PYROXD2: variants seen among roughly 807,000 people sequenced by gnomAD.
The protein encoded by PYROXD2 is pyridine nucleotide-disulfide oxidoreductase domain-containing protein 2.
PYROXD2 carries 69 observed loss-of-function variants against 71.1 expected under a neutral mutation model. The ratio of observed to expected loss-of-function variants is 0.97; its 90% confidence interval spans 0.80 to 1.19. PYROXD2 has a LOEUF of 1.19. Among genes scored for constraint, PYROXD2 ranks in the 50% most tolerant of loss-of-function variants. The probability of loss-of-function intolerance (pLI) is 0.00; values close to 1 mark genes in which losing one functional copy is unlikely to be tolerated. For synonymous variants in PYROXD2, 287 were observed against 302.7 expected (o/e 0.95, Z 0.54); for missense variants, 745 against 748.9 (o/e 0.99, Z 0.06).
At chr10:98,383,980 G>T in intron 15 of PYROXD2, 112 bp from the exon 16 acceptor site, 1 of 908,086 alleles carries the variant, frequency 1.1e-6, no homozygotes, top group Non-Finnish European at 1.8e-6. Context: ...CTGGTTAGAG[G>T]GGTCCGGGGG....
chr10:98,387,360 C>T, intron 13 of PYROXD2, 53 bp from the exon 14 acceptor site: 1 of 1,339,344 alleles, frequency 7.5e-7, no homozygotes, highest in South Asian at 1.2e-5. Flanking sequence ...AGAGGAGGCA[C>T]TATGGGTGTA....
At chr10:98,403,613 T>C (rs1843497478) in intron 4 of PYROXD2, among the ~76,000 whole-genome samples, 1 of 152,166 alleles carries the variant, frequency 6.6e-6, no homozygotes, top group Non-Finnish European at 1.5e-5. Flanking sequence ...TCTTCTTCCC[T>C]CTGACTGGAG....
chr10:98,385,054 C>T lies in PYROXD2; in HGVS notation c.1568G>A (p.Cys523Tyr), dbSNP rs1322968249. 16 of 1,613,882 alleles carry T rather than the reference C, an allele frequency of 9.9e-6. No individual in the cohort carries two copies. The highest frequency in any genetic ancestry group is 1.4e-5 in the Non-Finnish European group (16 of 1,179,916). Residue 523 changes from cysteine to tyrosine, a missense_variant, in exon 15 of 16, where the codon TGC becomes TAC. Transcript: ENST00000370575. ...FGLPGGNIFHCAMSLDQLYFA... is the reference protein window; with the variant it reads ...FGLPGGNIFHYAMSLDQLYFA... The stretch of plus-strand genomic sequence containing the variant: ...GTAGAGCTGGTCCAGGGACATGGCG[C>T]AGTGGAATATGTTCTGCAGAGGCAG...
At chr10:98,385,261 C>A (rs1474781854) in intron 14 of PYROXD2, among the ~76,000 whole-genome samples, 194 bp from the exon 15 acceptor site, 3 of 152,182 alleles carry the variant, frequency 2.0e-5, no homozygotes, top group African/African-American at 4.8e-5. Flanking sequence ...GTGAAGTTTT[C>A]CAGAGGCTTT....
chr10:98,394,147 C>T (rs10786417), intron 8 of PYROXD2, among the ~76,000 whole-genome samples: 51,736 of 152,056 alleles, frequency 0.34, 9,054 homozygotes, highest in South Asian at 0.44. Flanking sequence ...ACATCTGCTC[C>T]GCTCACTACC....
chr10:98,403,742 C>T (rs1180865837), intron 4 of PYROXD2, among the ~76,000 whole-genome samples: 3 of 152,198 alleles, frequency 2.0e-5, no homozygotes, highest in African/African-American at 7.2e-5. Context: ...GGAATCTCCA[C>T]TCTCTTTCTC....
Position 98,392,530 on chromosome 10 carries a change from CACA to C in PYROXD2, c.961_963del (p.Cys321del), listed in dbSNP as rs1564796274. On this transcript the variant is annotated inframe_deletion, in exon 10 of 16. Transcript: ENST00000370575. ...CCATCTTCCAGCACAACTCCTTGAA[CACA>C]GCCTTCACTGTTCACCTGCACCTTC... The C allele has an allele frequency of 6.2e-7, 1 of 1,613,302 alleles. No individual in the cohort carries two copies. Among genetic ancestry groups the C allele is most frequent in the South Asian group, 1.1e-5 (1 of 91,086 alleles).
intron 4 of PYROXD2, among the ~76,000 whole-genome samples, chr10:98,405,015 G>C (rs1473923437): frequency 6.6e-6 from 1 of 152,160 alleles, no homozygotes; most frequent in Non-Finnish European, 1.5e-5. Context: ...GGGAGGATGG[G>C]ATTGCCTCTG....
At chr10:98,401,678 C>T (rs1334418297) in intron 4 of PYROXD2, among the ~76,000 whole-genome samples, 5 of 151,660 alleles carry the variant, frequency 3.3e-5, no homozygotes, top group African/African-American at 7.3e-5. Context: ...TTATTTTTTA[C>T]TTTATAACCT....
In PYROXD2 at chr10:98,414,994, G is replaced by T; in HGVS notation, c.127+15C>A. On this transcript the variant is annotated intron_variant, in intron 1 of 15. Coordinates refer to ENST00000370575, the MANE Select transcript of PYROXD2 (RefSeq NM_032709.3). ...CCGCCCCTCAGCTCTGGCCCGGCCT[G>T]CTTTACCACTTTACCTGCTCCTATC... 6.2e-7 allele frequency: 1 copy of T among 1,611,818 alleles called. No individual in the cohort carries two copies.
At chr10:98,404,576 A>C (rs555005383) in intron 4 of PYROXD2, among the ~76,000 whole-genome samples, 1 of 152,152 alleles carries the variant, frequency 6.6e-6, no homozygotes, top group Non-Finnish European at 1.5e-5. Context: ...AAACCCAAAA[A>C]AACAAAATGA....
chr10:98,414,286 T>C (rs1590986715), intron 1 of PYROXD2: 1 of 152,218 alleles, frequency 6.6e-6, no homozygotes, highest in East Asian at 1.9e-4. Context: ...AATCATGCAT[T>C]TGGGGCCCTC....
At chr10:98,407,852 C>A (rs1003132068) in intron 3 of PYROXD2, 52 bp downstream of exon 3, 1 of 1,547,166 alleles carries the variant, frequency 6.5e-7, no homozygotes, top group Non-Finnish European at 8.8e-7. Flanking sequence ...GGGATGGAGA[C>A]TGTCACCCTG....
intron 10 of PYROXD2, among the ~76,000 whole-genome samples, chr10:98,391,471 T>C (rs1214209912): frequency 6.6e-6 from 1 of 152,176 alleles, no homozygotes. Context: ...TCAGAAAAAG[T>C]AGTGCTTTGC....
At chr10:98,398,359 C>A (rs1843273142) in intron 5 of PYROXD2, among the ~76,000 whole-genome samples, 1 of 152,118 alleles carries the variant, frequency 6.6e-6, no homozygotes, top group Non-Finnish European at 1.5e-5. Context: ...GTTTCTGACA[C>A]CCACCCTCCT....
Position 98,414,729 on chromosome 10 carries a change from C to T in PYROXD2, c.127+280G>A, listed in dbSNP as rs1052284842. ...AGAGATATAGGGAAACCCCTGAGCT[C>T]ACCTAGTCTTCCTGTCATTCTCCAT... On this transcript the variant is annotated intron_variant, in intron 1 of 15. Coordinates refer to ENST00000370575, the MANE Select transcript of PYROXD2 (RefSeq NM_032709.3). 20 of 401,676 alleles carry T rather than the reference C, an allele frequency of 5.0e-5. No individual in the cohort carries two copies. In the Middle Eastern group the frequency reaches 2.6e-3, roughly 53 times the overall value. The allele number at this position is 401,676 out of a possible 1,614,324, so 24.9% of individuals were successfully genotyped here. A position where few individuals can be genotyped will look rare whatever the true frequency, so the allele number is the denominator to read the frequency against.
intron 13 of PYROXD2, chr10:98,388,045 C>T (rs1315809015): frequency 3.1e-6 from 1 of 319,886 alleles, no homozygotes; most frequent in African/African-American, 2.2e-5. Flanking sequence ...CCTTGTCTCT[C>T]TGGCTCATGC....
At position 98,392,982 on chromosome 10, in the gene PYROXD2, C is replaced by T; in HGVS notation, c.887G>A (p.Ser296Asn). The T allele has an allele frequency of 6.2e-7, 1 of 1,613,974 alleles. No homozygotes were observed. The highest frequency in any genetic ancestry group is 8.5e-7 in the Non-Finnish European group (1 of 1,179,900). Reference protein sequence around the residue: ...GMGALSDAIASSATTHGASIF... With the variant: ...GMGALSDAIANSATTHGASIF... ...GCTTGCTCCATGTGTGGTGGCTGAG[C>T]TTGCGATCGCATCAGAGAGGGCACC... The change falls in exon 9 of 16, where the codon AGC becomes AAC. Residue 296 changes from serine to asparagine, a missense_variant. By Grantham distance (46) the Ser-to-Asn change is conservative. Coordinates refer to ENST00000370575, the MANE Select transcript of PYROXD2 (RefSeq NM_032709.3).
Position 98,395,472 on chromosome 10 carries a change from A to G in PYROXD2, c.626-20T>C. Reference sequence around the variant, plus strand: ...TGCGGCCTACAAGAGAAGATCCACAAAACAGAAGTTGAAACAGGTGACAGG... The same window carrying G: ...TGCGGCCTACAAGAGAAGATCCACAGAACAGAAGTTGAAACAGGTGACAGG... On this transcript the variant is annotated intron_variant, in intron 6 of 15. Transcript: ENST00000370575. 6.2e-7 allele frequency: 1 copy of G among 1,612,372 alleles called. No individual in the cohort carries two copies. The highest frequency in any genetic ancestry group is 8.5e-7 in the Non-Finnish European group (1 of 1,178,392).
Sources: gnomAD v4.1 joint callset for allele counts (sites outside exome capture counted in the v4.1 genomes callset) on GRCh38, gnomAD v4.1.1 for gene constraint, MANE v1.5 for transcripts, NCBI Gene and HGNC (gene_info 2026-07-23, HGNC 2026-07-21) for gene names.